The following DIDO1 variants were observed in gnomAD, a reference collection of about 807,000 sequenced individuals.
DIDO1 encodes death-inducer obliterator 1.
DIDO1 carries 16 observed loss-of-function variants against 99.4 expected under a neutral mutation model. The observed-to-expected ratio is 0.16, with a 90% CI of 0.11 to 0.24. DIDO1 has a LOEUF of 0.24. Ranked by LOEUF, DIDO1 falls within the 10% of genes least tolerant of loss-of-function variation. The pLI, the probability that DIDO1 is intolerant of heterozygous loss-of-function variation, is 1.00. For synonymous variants in DIDO1, 1,366 were observed against 1,239.1 expected (o/e 1.10, Z -2.15); for missense variants, 2,996 against 3,014.0 (o/e 0.99, Z 0.14).
chr20:62,926,849 A>C (rs1216520690), upstream of DIDO1, among the ~76,000 whole-genome samples: 1 of 152,200 alleles, frequency 6.6e-6, no homozygotes, highest in African/African-American at 2.4e-5. Context: ...AAGACCGATA[A>C]ACCCTTCAAG....
chr20:62,881,783 G>A lies in DIDO1; in HGVS notation c.4173C>T (p.Tyr1391=), dbSNP rs374946091. 1.6e-4 allele frequency: 264 copies of A among 1,613,226 alleles called. No individual in the cohort carries two copies. The highest frequency in any genetic ancestry group is 5.3e-4 in the African/African-American group (40 of 74,902). The change falls in exon 16 of 16, where the codon TAC becomes TAT. Residue 1391 remains tyrosine, a synonymous_variant. Coordinates refer to ENST00000395343, the MANE Select transcript of DIDO1 (RefSeq NM_001193369.2). This position sits in a 1 kb window ranked among gnomAD's most constrained non-coding sequence, Gnocchi z 8.3. ...GAGTGTCGAAGGCCCTCTCCGGGTC[G>A]TACTCCTCCTCAGGGTCGTATGGCC... is the stretch of plus-strand genomic sequence containing the variant. ...DDRPYDPEEE[Y]DPERAFDTQL...
rs1429836977 is a variant in DIDO1 at position 62,893,891 on chromosome 20, G to A, written c.2876C>T (p.Thr959Ile). ...GTCCCGGCCGGACACTGTGACGGTG[G>A]TGACCACCCCGCTCCCACAGGAGGC... ...CPASCGSGVVTTVTVSGRDPR... is the reference protein window; with the variant it reads ...CPASCGSGVVITVTVSGRDPR... The change falls in exon 12 of 16, where the codon ACC (threonine) becomes ATC (isoleucine). Residue 959 changes from threonine to isoleucine, a missense_variant. Transcript: ENST00000395343. The A allele has an allele frequency of 1.9e-5, 30 of 1,611,162 alleles. No individual in the cohort carries two copies. Among genetic ancestry groups the A allele is most frequent in the Non-Finnish European group, 2.3e-5 (27 of 1,177,790 alleles).
intron 3 of DIDO1, 65 bp from the exon 4 acceptor site, chr20:62,910,085 A>G (rs2064896272): frequency 6.6e-7 from 1 of 1,507,152 alleles, no homozygotes; most frequent in East Asian, 2.3e-5. Context: ...CAACACATTA[A>G]TAAGACAATT....
intron 15 of DIDO1, chr20:62,889,585 C>A (rs1229066678): frequency 2.0e-6 from 2 of 985,298 alleles, no homozygotes; most frequent in Admixed American, 6.1e-5. Context: ...TGCAACTGAC[C>A]AGTGGGTCTT....
At chr20:62,929,557 G>A (rs561224197), upstream of DIDO1, among the ~76,000 whole-genome samples, 216 of 151,914 alleles carry the variant, frequency 1.4e-3, 1 homozygote, top group Middle Eastern at 0.01. Context: ...GGCCCCCCAC[G>A]CTGTGCTCCA....
intron 2 of DIDO1, among the ~76,000 whole-genome samples, chr20:62,912,707 A>G (rs1255796479): frequency 1.3e-5 from 2 of 152,236 alleles, no homozygotes; most frequent in Non-Finnish European, 2.9e-5. Flanking sequence ...TCCTGGGGGA[A>G]GGACTGGCAT....
chr20:62,900,628 T>C (rs1026678535), intron 6 of DIDO1, among the ~76,000 whole-genome samples: 6 of 152,236 alleles, frequency 3.9e-5, no homozygotes, highest in African/African-American at 1.2e-4. Flanking sequence ...AGCAACCTTA[T>C]GTGCTGGATG....
Position 62,880,392 on chromosome 20 carries a change from A to G in DIDO1, c.5564T>C (p.Phe1855Ser), listed in dbSNP as rs567175855. The G allele has an allele frequency of 1.2e-6, 2 of 1,612,782 alleles. No homozygotes were observed. The highest frequency in any genetic ancestry group is 2.2e-5 in the East Asian group (1 of 44,844). ...CACCTCGTTATACGGGGCGTCCTGG[A>G]ACTCCCTCTTCTCCCCATGGGGATC... ...RKDPHGEKREFQDAPYNEVTG... is the reference protein window; with the variant it reads ...RKDPHGEKRESQDAPYNEVTG... The change falls in exon 16 of 16, where the codon TTC (phenylalanine) becomes TCC (serine). Residue 1855 changes from phenylalanine to serine, a missense_variant. Physicochemically the swap from Phe to Ser is radical, Grantham distance 155 (BLOSUM62 -2). Coordinates refer to ENST00000395343, the MANE Select transcript of DIDO1 (RefSeq NM_001193369.2).
intron 6 of DIDO1, among the ~76,000 whole-genome samples, chr20:62,897,254 A>G (rs1034376620): frequency 1.3e-5 from 2 of 152,364 alleles, no homozygotes; most frequent in African/African-American, 4.8e-5. Context: ...ACCTTCAACC[A>G]GCAAACTCTA....
chr20:62,902,154 G>A (rs1275696568), intron 6 of DIDO1, among the ~76,000 whole-genome samples: 1 of 152,332 alleles, frequency 6.6e-6, no homozygotes, highest in South Asian at 2.1e-4. Flanking sequence ...CCACGGGACG[G>A]TGCTGATGTG....
At chr20:62,888,132 G>C (rs558826864) in intron 15 of DIDO1, 1 of 985,478 alleles carries the variant, frequency 1.0e-6, no homozygotes, top group African/African-American at 1.7e-5. Flanking sequence ...GGCACCTTCA[G>C]GCCTTCACTT....
At position 62,894,395 on chromosome 20, in the gene DIDO1, C is replaced by A. The variant is rs374299637; in HGVS notation, c.2572+18G>T. ...TTTAGTCTCAGCTCCAAGGCTCCAT[C>A]CCCTGCACTGTGCTCACCTGTGCAA... On this transcript the variant is annotated intron_variant, in intron 11 of 15. Coordinates refer to ENST00000395343, the MANE Select transcript of DIDO1 (RefSeq NM_001193369.2). This position sits in a 1 kb window ranked among gnomAD's most constrained non-coding sequence, Gnocchi z 4.4. 1.2e-6 allele frequency: 2 copies of A among 1,609,778 alleles called. No individual in the cohort carries two copies. The highest frequency in any genetic ancestry group is 1.3e-5 in the African/African-American group (1 of 74,878).
At chr20:62,901,753 C>T (rs1298451037) in intron 6 of DIDO1, among the ~76,000 whole-genome samples, 2 of 149,032 alleles carry the variant, frequency 1.3e-5, no homozygotes, top group Non-Finnish European at 3.0e-5. Flanking sequence ...TGTCAATATT[C>T]TAAGTTACTT....
intron 1 of DIDO1, among the ~76,000 whole-genome samples, chr20:62,919,837 G>A (rs994458508): frequency 2.6e-5 from 4 of 152,210 alleles, no homozygotes; most frequent in African/African-American, 7.2e-5. Flanking sequence ...GGTGACCTTG[G>A]TGGGCAACTC....
intron 2 of DIDO1, among the ~76,000 whole-genome samples, chr20:62,912,798 G>A (rs1382801010): frequency 1.3e-5 from 2 of 152,190 alleles, no homozygotes; most frequent in East Asian, 3.9e-4. Flanking sequence ...TCGGGAGGCC[G>A]AGGCAGGCAG....
chr20:62,907,471 G>A, intron 4 of DIDO1, 112 bp from the exon 5 acceptor site: 2 of 978,592 alleles, frequency 2.0e-6, no homozygotes, highest in Non-Finnish European at 3.0e-6. Context: ...TTCAAAATGA[G>A]ATACTAACAG....
At chr20:62,921,212 T>A (rs1186045549) in intron 1 of DIDO1, among the ~76,000 whole-genome samples, 1 of 152,234 alleles carries the variant, frequency 6.6e-6, no homozygotes, top group African/African-American at 2.4e-5. Context: ...CAATTTTAAA[T>A]AGAAGGCACT....
chr20:62,907,960 C>T (rs986741802), intron 4 of DIDO1, among the ~76,000 whole-genome samples: 4 of 151,850 alleles, frequency 2.6e-5, no homozygotes, highest in South Asian at 2.1e-4. Context: ...TGTAAGTATG[C>T]CCCCCAAATT....
Position 62,886,346 on chromosome 20 carries a change from A to G in DIDO1, c.3542-3932T>C, listed in dbSNP as rs930159184. Among the ~76,000 whole-genome samples the G allele has an allele frequency of 3.2e-4, 48 of 152,240 alleles. 1 individual carries two copies. The highest frequency in any genetic ancestry group is 1.1e-3 in the African/African-American group (46 of 41,464). On this transcript the variant is annotated intron_variant, in intron 15 of 15. Coordinates refer to ENST00000395343, the MANE Select transcript of DIDO1 (RefSeq NM_001193369.2). ...GCTTTCTTCAGGGCGTACCACGTGCAAGCCAACAGGCCTTTTTAGCACATC... is the reference window on the plus strand; with the variant it reads ...GCTTTCTTCAGGGCGTACCACGTGCGAGCCAACAGGCCTTTTTAGCACATC...
Sources: gnomAD v4.1 joint callset for allele counts (sites outside exome capture counted in the v4.1 genomes callset) on GRCh38, gnomAD v4.1.1 for gene constraint, Gnocchi (gnomAD v3.1) non-coding constraint, MANE v1.5 for transcripts, NCBI Gene and HGNC (gene_info 2026-07-23, HGNC 2026-07-21) for gene names.